The following PLXNC1 variants were observed in gnomAD, a reference collection of about 807,000 sequenced individuals.
The protein encoded by PLXNC1 is plexin C1.
Under a neutral mutation model 178.2 loss-of-function variants are expected in PLXNC1, and 75 were observed. That is an observed-to-expected ratio of 0.42 (90% CI 0.35 to 0.51). The LOEUF is 0.51. PLXNC1 is among the 20% of genes least tolerant of loss of function. The pLI is 0.02. For synonymous variants in PLXNC1, 790 were observed against 779.9 expected (o/e 1.01, Z -0.22); for missense variants, 1,503 against 1,984.4 (o/e 0.76, Z 4.61).
chr12:94,157,879 G>C (rs1050733755), intron 1 of PLXNC1, among the ~76,000 whole-genome samples: 1 of 152,212 alleles, frequency 6.6e-6, no homozygotes, highest in Non-Finnish European at 1.5e-5. Flanking sequence ...AGGTAGGGCT[G>C]TGTTCCATTA....
intron 21 of PLXNC1, among the ~76,000 whole-genome samples, chr12:94,269,499 A>T (rs1965447204): frequency 6.6e-6 from 1 of 152,188 alleles, no homozygotes; most frequent in Non-Finnish European, 1.5e-5. Context: ...TCTTACTAGT[A>T]TACTTCCTTT....
chr12:94,157,482 CTTA>C (rs1961218568), intron 1 of PLXNC1, among the ~76,000 whole-genome samples: 1 of 152,176 alleles, frequency 6.6e-6, no homozygotes, highest in Non-Finnish European at 1.5e-5. Context: ...GGTAGGTTTT[CTTA>C]TTATGTTTTT....
At chr12:94,170,641 T>C (rs934541930) in intron 2 of PLXNC1, among the ~76,000 whole-genome samples, 1 of 152,166 alleles carries the variant, frequency 6.6e-6, no homozygotes, top group South Asian at 2.1e-4. Flanking sequence ...CTGGTGTCTG[T>C]CTTGCCTTCC....
chr12:94,262,885 C>A (rs1965038145), intron 20 of PLXNC1: 1 of 628,694 alleles, frequency 1.6e-6, no homozygotes, highest in Non-Finnish European at 2.0e-6. Flanking sequence ...CCTTAAGGGT[C>A]CTGTGAGCTA....
intron 23 of PLXNC1, among the ~76,000 whole-genome samples, chr12:94,287,759 A>G (rs988678873): frequency 6.6e-5 from 10 of 152,336 alleles, no homozygotes; most frequent in African/African-American, 2.2e-4. Flanking sequence ...CTGTGACACT[A>G]AAAGGGACTG....
intron 23 of PLXNC1, among the ~76,000 whole-genome samples, chr12:94,284,520 T>C (rs1966701012): frequency 6.6e-6 from 1 of 152,128 alleles, no homozygotes; most frequent in Non-Finnish European, 1.5e-5. Context: ...TGTTCACCTT[T>C]CAGATGTCTT....
At chr12:94,267,944 T>C (rs1346025499) in intron 21 of PLXNC1, among the ~76,000 whole-genome samples, 4 of 152,096 alleles carry the variant, frequency 2.6e-5, no homozygotes, top group Non-Finnish European at 5.9e-5. Flanking sequence ...GTTTATGTAA[T>C]TGAAAACCAA....
chr12:94,303,732 C>CTTT (rs201354613), intron 28 of PLXNC1, 24 bp from the exon 29 acceptor site: 259 of 843,492 alleles, frequency 3.1e-4, no homozygotes, highest in South Asian at 1.8e-3. Context: ...GTGATGGTTG[C>CTTT]TTTTTTTTTT....
chr12:94,196,411 C>T (rs896910431), intron 4 of PLXNC1, among the ~76,000 whole-genome samples: 2 of 152,110 alleles, frequency 1.3e-5, no homozygotes, highest in African/African-American at 4.8e-5. Context: ...GTCTTGCTCC[C>T]ACCCTAGCCG....
At position 94,283,704 on chromosome 12, in the gene PLXNC1, C is replaced by T. The variant is rs1032731381; in HGVS notation, c.3879+1303C>T. On this transcript the variant is annotated intron_variant, in intron 23 of 30. Coordinates refer to ENST00000258526, the MANE Select transcript of PLXNC1 (RefSeq NM_005761.3). ...AATCATAGGAAGTCAAAGCTGTCTTCTTGCACTGAGTCAGTTCCTGGGGTG... is the reference window on the plus strand; with the variant it reads ...AATCATAGGAAGTCAAAGCTGTCTTTTTGCACTGAGTCAGTTCCTGGGGTG... 4.3e-4 allele frequency among the ~76,000 whole-genome samples: 66 copies of T among 152,132 alleles called. 1 individual carries two copies. Among genetic ancestry groups the T allele is most frequent in the Non-Finnish European group, 3.8e-4 (26 of 68,014 alleles).
chr12:94,149,201 C>G lies in PLXNC1; in HGVS notation c.230C>G (p.Ser77Trp), dbSNP rs1960846432. The G allele has an allele frequency of 1.3e-6, 2 of 1,586,678 alleles. No homozygotes were observed. The highest frequency in any genetic ancestry group is 3.4e-5 in the Admixed American group (2 of 57,992). The change falls in exon 1 of 31, where the codon TCG (serine) becomes TGG (tryptophan). Residue 77 changes from serine (S) to tryptophan (W), a missense_variant. Ser to Trp is a radical substitution (Grantham distance 177, BLOSUM62 -3). Coordinates refer to ENST00000258526, the MANE Select transcript of PLXNC1 (RefSeq NM_005761.3). Reference protein sequence around the residue: ...QLDYSLEHSLSRLYRDQAGNC... With the variant: ...QLDYSLEHSLWRLYRDQAGNC... ...GACTACAGCCTGGAGCACAGCCTCT[C>G]GCGCCTGTACCGGGACCAAGCGGGC...
Position 94,305,336 on chromosome 12 carries a change from G to A in PLXNC1, c.*51G>A, listed in dbSNP as rs1333779955. ...GCAAAGTTCTTCAGACGACTTGGGA[G>A]CAAAATGGCTGCTTGAGCTACTCTG... On this transcript the variant is annotated 3_prime_UTR_variant, in exon 31 of 31. Transcript: ENST00000258526. 2 of 1,054,972 alleles carry A rather than the reference G, an allele frequency of 1.9e-6. No homozygotes were observed. The highest frequency in any genetic ancestry group is 2.9e-6 in the Non-Finnish European group (2 of 691,236). 65.4% of individuals were successfully genotyped at this position (1,054,972 alleles called of 1,614,324 possible).
chr12:94,284,375 A>G (rs1026119886), intron 23 of PLXNC1, among the ~76,000 whole-genome samples: 2 of 152,168 alleles, frequency 1.3e-5, no homozygotes, highest in African/African-American at 2.4e-5. Context: ...TCCAGAAATG[A>G]GCAAGAGCAG....
At chr12:94,187,358 A>G (rs3847811) in intron 4 of PLXNC1, among the ~76,000 whole-genome samples, 130,732 of 152,024 alleles carry the variant, frequency 0.86, 56,234 homozygotes, top group East Asian at 0.98. Context: ...GAAGGGGGAG[A>G]CAGCCAAGAG....
chr12:94,229,380 C>G (rs1194264836), intron 9 of PLXNC1, among the ~76,000 whole-genome samples: 2 of 152,176 alleles, frequency 1.3e-5, no homozygotes, highest in Non-Finnish European at 2.9e-5. Flanking sequence ...TGACTGTGTC[C>G]TGTAATACAC....
In PLXNC1 at chr12:94,298,531, A is replaced by G. The variant is rs142463013; in HGVS notation, c.4075-101A>G. The G allele has an allele frequency of 3.1e-5, 30 of 981,218 alleles. No homozygotes were observed. In the East Asian group the frequency reaches 7.4e-4, roughly 24 times the overall value. The allele number at this position is 981,218 out of a possible 1,614,324, so 60.8% of individuals were successfully genotyped here. The stretch of plus-strand genomic sequence containing the variant: ...CTTCAGTTTGTTTTTCCCTGTTTTG[A>G]ACATTATTTTCTCTGAATGTGGATT... On this transcript the variant is annotated intron_variant, in intron 26 of 30. Coordinates refer to ENST00000258526, the MANE Select transcript of PLXNC1 (RefSeq NM_005761.3).
chr12:94,249,074 G>A (rs1289814452), intron 14 of PLXNC1, among the ~76,000 whole-genome samples: 3 of 151,894 alleles, frequency 2.0e-5, no homozygotes, highest in Admixed American at 6.6e-5. Flanking sequence ...ATAAATAATT[G>A]GATAAAAGAC....
At chr12:94,164,711 A>C (rs1292744606) in intron 1 of PLXNC1, among the ~76,000 whole-genome samples, 1 of 151,126 alleles carries the variant, frequency 6.6e-6, no homozygotes, top group Non-Finnish European at 1.5e-5. Context: ...ACACACGTAC[A>C]CACACAAACA....
At chr12:94,256,035 C>T (rs1330128439) in intron 17 of PLXNC1, 3 of 152,330 alleles carry the variant, frequency 2.0e-5, no homozygotes, top group African/African-American at 7.2e-5. Context: ...TACACTCATC[C>T]TGCGTATCAT....
Sources: gnomAD v4.1 joint callset for allele counts (sites outside exome capture counted in the v4.1 genomes callset) on GRCh38, gnomAD v4.1.1 for gene constraint, MANE v1.5 for transcripts, NCBI Gene and HGNC (gene_info 2026-07-23, HGNC 2026-07-21) for gene names.